Variants in TOX observed in about 807,000 individuals in gnomAD.
TOX encodes thymocyte selection associated high mobility group box, also known as thymocyte selection-associated high mobility group box protein TOX.
In TOX, 11 loss-of-function variants were observed where a neutral mutation model predicts 53.7. The observed-to-expected ratio is 0.20, with a 90% confidence interval of 0.13 to 0.34. The LOEUF is 0.34. Among genes scored for constraint, TOX ranks in the 10% least tolerant of loss-of-function variants. The pLI, the probability that TOX is intolerant of heterozygous loss-of-function variation, is 1.00. For synonymous variants in TOX, 225 were observed against 245.3 expected (o/e 0.92, Z 0.77); for missense variants, 570 against 664.6 (o/e 0.86, Z 1.56).
intron 1 of TOX, among the ~76,000 whole-genome samples, chr8:59,028,263 GT>G (rs1315023155): frequency 6.6e-6 from 1 of 151,788 alleles, no homozygotes; most frequent in East Asian, 1.9e-4. Context: ...TCGAAAGGAA[GT>G]TTATAAATAT....
At chr8:59,021,108 C>CAA (rs35493437) in intron 1 of TOX, among the ~76,000 whole-genome samples, 46,489 of 91,718 alleles carry the variant, frequency 0.51, 12,994 homozygotes, top group East Asian at 0.54. Context: ...GACCCTGTCT[C>CAA]AAAAAAAAAA....
intron 1 of TOX, among the ~76,000 whole-genome samples, chr8:59,050,066 G>T (rs1803760630): frequency 6.6e-6 from 1 of 152,070 alleles, no homozygotes; most frequent in Non-Finnish European, 1.5e-5. Context: ...TTTCAAGTGA[G>T]GTTGCTTTGC....
At position 58,959,997 on chromosome 8, in the gene TOX, C is replaced by A; in HGVS notation, c.114G>T (p.Glu38Asp). The change falls in exon 2 of 9, where the codon GAG becomes GAT. Residue 38 changes from glutamate to aspartate, a missense_variant. By Grantham distance (45) the Glu-to-Asp change is conservative. This residue lies in a region of TOX where 282 missense variants were observed against 315.0 expected (regional missense o/e 0.90). Transcript: ENST00000361421. ...GCTCTGTCATGCTCATATACATGTTCTCACCGTCAAACTGCGAATGAAATA... is the reference window on the plus strand; with the variant it reads ...GCTCTGTCATGCTCATATACATGTTATCACCGTCAAACTGCGAATGAAATA... ...DPYYCNKFDG[E>D]NMYMSMTEPS... 6.2e-7 allele frequency: 1 copy of A among 1,614,172 alleles called. No individual in the cohort carries two copies. Among genetic ancestry groups the A allele is most frequent in the South Asian group, 1.1e-5 (1 of 91,074 alleles).
chr8:58,830,506 C>CATCCA (rs1810435488), intron 5 of TOX, among the ~76,000 whole-genome samples: 1 of 152,180 alleles, frequency 6.6e-6, no homozygotes, highest in Admixed American at 6.6e-5. Context: ...TTGAAATCAG[C>CATCCA]AGTTCAATAT....
At chr8:58,834,408 C>T (rs1018958222) in intron 5 of TOX, among the ~76,000 whole-genome samples, 1 of 152,162 alleles carries the variant, frequency 6.6e-6, no homozygotes, top group African/African-American at 2.4e-5. Flanking sequence ...TAGTCTGCCT[C>T]GAATCTGCTC....
intron 3 of TOX, among the ~76,000 whole-genome samples, chr8:58,879,163 C>T (rs1811340402): frequency 6.6e-6 from 1 of 151,920 alleles, no homozygotes; most frequent in South Asian, 2.1e-4. Flanking sequence ...TTAAGACCTA[C>T]ATTCATGTGC....
chr8:59,074,412 G>C (rs1804255474), intron 1 of TOX, among the ~76,000 whole-genome samples: 1 of 152,144 alleles, frequency 6.6e-6, no homozygotes, highest in African/African-American at 2.4e-5. Context: ...AATACTGATT[G>C]AATGAACATC....
intron 1 of TOX, among the ~76,000 whole-genome samples, chr8:59,006,347 T>A (rs1194071622): frequency 6.6e-6 from 1 of 152,230 alleles, no homozygotes; most frequent in Non-Finnish European, 1.5e-5. Context: ...GTTCTGCCAC[T>A]GGCTTTTACA....
At chr8:58,999,297 G>T (rs1813644991) in intron 1 of TOX, among the ~76,000 whole-genome samples, 1 of 151,400 alleles carries the variant, frequency 6.6e-6, no homozygotes, top group Admixed American at 6.6e-5. Flanking sequence ...TGAAATCTGT[G>T]ATCTTTAGAA....
intron 1 of TOX, among the ~76,000 whole-genome samples, chr8:59,030,841 G>A (rs996964699): frequency 1.3e-5 from 2 of 152,150 alleles, no homozygotes; most frequent in Non-Finnish European, 2.9e-5. Flanking sequence ...ATGGGAATCA[G>A]AATTTCCTCT....
chr8:58,914,451 T>A (rs1333911209), intron 3 of TOX, among the ~76,000 whole-genome samples: 1 of 152,118 alleles, frequency 6.6e-6, no homozygotes, highest in African/African-American at 2.4e-5. Flanking sequence ...TTGACCAAAA[T>A]TGTCTGTCTA....
intron 6 of TOX, among the ~76,000 whole-genome samples, chr8:58,820,586 T>G (rs1810258010): frequency 6.6e-6 from 1 of 152,198 alleles, no homozygotes; most frequent in Admixed American, 6.5e-5. Context: ...CTTTGTCTTT[T>G]GATGGTGAAT....
chr8:58,963,041 G>A (rs1385474497), intron 1 of TOX, among the ~76,000 whole-genome samples: 1 of 152,224 alleles, frequency 6.6e-6, no homozygotes, highest in African/African-American at 2.4e-5. Flanking sequence ...GACTAGAACA[G>A]TAAGGACTGA....
intron 1 of TOX, among the ~76,000 whole-genome samples, chr8:59,046,577 G>A (rs1264106331): frequency 6.6e-6 from 1 of 152,128 alleles, no homozygotes; most frequent in African/African-American, 2.4e-5. Context: ...AACACTCTAG[G>A]CCGGGGGTGG....
At chr8:59,006,483 A>C (rs1271156047) in intron 1 of TOX, among the ~76,000 whole-genome samples, 1 of 152,128 alleles carries the variant, frequency 6.6e-6, no homozygotes, top group African/African-American at 2.4e-5. Flanking sequence ...GAAAGTTGTA[A>C]TTAGGTACAT....
chr8:59,069,296 G>C (rs558869739), intron 1 of TOX, among the ~76,000 whole-genome samples: 1 of 152,168 alleles, frequency 6.6e-6, no homozygotes, highest in East Asian at 1.9e-4. Flanking sequence ...GGATCCCTCC[G>C]TGGATGCTGG....
At chr8:59,072,930 AC>A (rs759209145) in intron 1 of TOX, among the ~76,000 whole-genome samples, 7 of 152,188 alleles carry the variant, frequency 4.6e-5, no homozygotes, top group Non-Finnish European at 1.0e-4. Flanking sequence ...AAATACTTGT[AC>A]TTTTAACACT....
At chr8:59,028,891 G>A (rs1361780725) in intron 1 of TOX, among the ~76,000 whole-genome samples, 2 of 151,980 alleles carry the variant, frequency 1.3e-5, no homozygotes, top group African/African-American at 2.4e-5. Flanking sequence ...TTTTTCAATT[G>A]TTTTTATCAT....
intron 3 of TOX, among the ~76,000 whole-genome samples, chr8:58,924,500 T>C (rs1812122324): frequency 6.6e-6 from 1 of 152,258 alleles, no homozygotes; most frequent in African/African-American, 2.4e-5. Context: ...AATCACTTTC[T>C]CATCTCACAC....
Sources: allele counts gnomAD v4.1 joint callset (sites outside exome capture counted in the v4.1 genomes callset), GRCh38; gene constraint gnomAD v4.1.1; regional missense constraint gnomAD v4.1.1; transcripts MANE v1.5; gene names NCBI Gene and HGNC (gene_info 2026-07-23, HGNC 2026-07-21).